Variants in HSD17B2 observed in about 807,000 individuals in gnomAD.
HSD17B2 encodes 17-beta-hydroxysteroid dehydrogenase type 2.
HSD17B2 carries 32 observed loss-of-function variants against 26.9 expected under a neutral mutation model. The ratio of observed to expected loss-of-function variants is 1.19; its 90% confidence interval spans 0.90 to 1.60. The LOEUF (loss-of-function observed/expected upper bound fraction) is 1.60, where lower values mean the gene tolerates loss of function less well. HSD17B2 is among the 40% of genes most tolerant of loss of function. HSD17B2 has a pLI of 0.00. For missense variants in HSD17B2, 613 were observed against 468.6 expected, an observed-to-expected ratio of 1.31 and a Z score of -2.85; for synonymous variants, 246 against 186.7, an observed-to-expected ratio of 1.32 and a Z score of -2.59.
chr16:82,098,399 C>T lies in HSD17B2; in HGVS notation c.1127C>T (p.Ala376Val). 6.2e-7 allele frequency: 1 copy of T among 1,611,634 alleles called. No homozygotes were observed. Among genetic ancestry groups the T allele is most frequent in the Non-Finnish European group, 8.5e-7 (1 of 1,178,482 alleles). The stretch of plus-strand genomic sequence containing the variant: ...GGCCAAGACAAGCCCATGCCCAGAG[C>T]TCTAAGAATGCCTAACTACAAGAAA... Reference protein sequence around the residue: ...HFGQDKPMPRALRMPNYKKKA... With the variant: ...HFGQDKPMPRVLRMPNYKKKA... Residue 376 changes from alanine to valine, a missense_variant, in exon 5 of 5, where the codon GCT becomes GTT. Coordinates refer to ENST00000199936, the MANE Select transcript of HSD17B2 (RefSeq NM_002153.3).
chr16:82,090,792 C>T, intron 3 of HSD17B2, 110 bp from the exon 4 acceptor site: 3 of 1,085,222 alleles, frequency 2.8e-6, no homozygotes, highest in South Asian at 1.7e-5. Flanking sequence ...CTTTGTCTGC[C>T]CAAGTCACTG....
At chr16:82,066,725 G>T (rs1208004686) in intron 1 of HSD17B2, among the ~76,000 whole-genome samples, 1 of 151,824 alleles carries the variant, frequency 6.6e-6, no homozygotes, top group African/African-American at 2.4e-5. Context: ...CATTAAAATT[G>T]GATTTTATTA....
chr16:82,065,019 C>T (rs890621015), intron 1 of HSD17B2, among the ~76,000 whole-genome samples: 1 of 152,166 alleles, frequency 6.6e-6, no homozygotes. Context: ...GTCCAATCAG[C>T]CCCAGACAAG....
At chr16:82,066,985 C>T (rs1597130416) in intron 1 of HSD17B2, among the ~76,000 whole-genome samples, 1 of 152,158 alleles carries the variant, frequency 6.6e-6, no homozygotes, top group Non-Finnish European at 1.5e-5. Flanking sequence ...AATACTGAGA[C>T]TTTTTGGGTC....
In HSD17B2 at chr16:82,035,630, A is replaced by G. The variant is rs1913605602; in HGVS notation, c.206A>G (p.Tyr69Cys). 1.2e-6 allele frequency: 2 copies of G among 1,613,860 alleles called. No individual in the cohort carries two copies. The highest frequency in any genetic ancestry group is 2.2e-5 in the East Asian group (1 of 44,878). ...ILFSVSCFLM[Y>C]TYLSGQELLP... Reference sequence around the variant, plus strand: ...TTCTCGGTGTCATGCTTCCTCATGTATACTTACTTATCTGGCCAAGAATTG... The same window carrying G: ...TTCTCGGTGTCATGCTTCCTCATGTGTACTTACTTATCTGGCCAAGAATTG... Residue 69 changes from tyrosine (Y) to cysteine (C), a missense_variant, in exon 1 of 5, where the codon TAT becomes TGT. Transcript: ENST00000199936.
At chr16:82,068,466 C>G (rs576506422) in intron 2 of HSD17B2, 84 bp downstream of exon 2, 9 of 1,129,026 alleles carry the variant, frequency 8.0e-6, no homozygotes, top group East Asian at 2.6e-5. Flanking sequence ...CATGCCCCCC[C>G]ACTCCACTCT....
intron 4 of HSD17B2, 143 bp downstream of exon 4, chr16:82,091,182 G>T (rs752911270): frequency 3.6e-6 from 3 of 840,616 alleles, no homozygotes; most frequent in East Asian, 4.9e-5. Context: ...GGTGAAAACA[G>T]GTTTGATTCA....
At chr16:82,073,055 T>C (rs8191182) in intron 3 of HSD17B2, among the ~76,000 whole-genome samples, 22 of 152,032 alleles carry the variant, frequency 1.4e-4, no homozygotes, top group African/African-American at 2.4e-4. Flanking sequence ...AGTGAGACGC[T>C]CTCTCAAAAA....
chr16:82,075,535 T>C (rs1904296098), intron 3 of HSD17B2, among the ~76,000 whole-genome samples: 1 of 151,936 alleles, frequency 6.6e-6, no homozygotes, highest in African/African-American at 2.4e-5. Context: ...AAAGGAGACA[T>C]TACAACCAAT....
chr16:82,066,657 T>G (rs1474720229), intron 1 of HSD17B2, among the ~76,000 whole-genome samples: 1 of 152,180 alleles, frequency 6.6e-6, no homozygotes, highest in African/African-American at 2.4e-5. Context: ...TTATTTTATT[T>G]TATTTTTTTA....
chr16:82,057,520 G>T (rs1425493495), intron 1 of HSD17B2, among the ~76,000 whole-genome samples: 1 of 152,166 alleles, frequency 6.6e-6, no homozygotes, highest in South Asian at 2.1e-4. Flanking sequence ...TTTAAGTGTG[G>T]CCTGTGCACA....
chr16:82,047,122 C>T (rs980720895), intron 1 of HSD17B2, among the ~76,000 whole-genome samples: 1 of 152,216 alleles, frequency 6.6e-6, no homozygotes, highest in Admixed American at 6.5e-5. Context: ...AAAGACTGAA[C>T]AGCCAGGAAC....
At chr16:82,069,145 A>G (rs942773355) in intron 2 of HSD17B2, among the ~76,000 whole-genome samples, 1 of 152,176 alleles carries the variant, frequency 6.6e-6, no homozygotes, top group African/African-American at 2.4e-5. Context: ...GCCCCCACTT[A>G]TAAGTGAGAA....
chr16:82,067,782 G>T (rs1334900631), intron 1 of HSD17B2, among the ~76,000 whole-genome samples: 5 of 152,166 alleles, frequency 3.3e-5, no homozygotes, highest in Non-Finnish European at 7.3e-5. Flanking sequence ...TTGACTGAAG[G>T]TTTTACAGAG....
At chr16:82,071,917 C>G (rs1157423815) in intron 3 of HSD17B2, 4 of 152,292 alleles carry the variant, frequency 2.6e-5, no homozygotes, top group Admixed American at 2.6e-4. Flanking sequence ...AGGAGTACCA[C>G]TCTTCACTGT....
intron 4 of HSD17B2, chr16:82,095,478 G>A (rs879414296): frequency 1.3e-5 from 2 of 153,008 alleles, no homozygotes; most frequent in Non-Finnish European, 2.9e-5. Context: ...CTTTGCAGGA[G>A]ACAGCGTGGG....
chr16:82,035,766 C>T, intron 1 of HSD17B2, 77 bp downstream of exon 1: 1 of 1,457,540 alleles, frequency 6.9e-7, no homozygotes, highest in Admixed American at 2.0e-5. Flanking sequence ...TTTGTCAAAT[C>T]TGGCTTAAAA....
chr16:82,043,919 A>G (rs1251376648), intron 1 of HSD17B2, among the ~76,000 whole-genome samples: 1 of 152,128 alleles, frequency 6.6e-6, no homozygotes, highest in African/African-American at 2.4e-5. Flanking sequence ...TCTTCCCTTG[A>G]AGTTAACTCT....
rs531868848 is a variant in HSD17B2, at chr16:82,054,421, T to G, written c.266-13749T>G. On this transcript the variant is annotated intron_variant, in intron 1 of 4. Coordinates refer to ENST00000199936, the MANE Select transcript of HSD17B2 (RefSeq NM_002153.3). ...GTGTAGTGGTGTGATCTTGGCTCAC[T>G]GCAACTTCCACCTCCCAGGTTCAAG... 1.5e-4 allele frequency among the ~76,000 whole-genome samples: 23 copies of G among 152,220 alleles called. No individual in the cohort carries two copies. The East Asian group carries it at 3.9e-3, about 26-fold the overall frequency.
Sources: gnomAD v4.1 joint callset for allele counts (sites outside exome capture counted in the v4.1 genomes callset) on GRCh38, gnomAD v4.1.1 for gene constraint, MANE v1.5 for transcripts, NCBI Gene and HGNC (gene_info 2026-07-23, HGNC 2026-07-21) for gene names.